The following SENP6 variants were observed in gnomAD, a reference collection of about 807,000 sequenced individuals.
SENP6 encodes SUMO specific peptidase 6.
In SENP6, 41 loss-of-function variants were observed where a neutral mutation model predicts 134.5. The observed-to-expected ratio is 0.30, with a 90% CI of 0.24 to 0.40. The LOEUF (loss-of-function observed/expected upper bound fraction) is 0.40, where lower values mean the gene tolerates loss of function less well. Ranked by LOEUF, SENP6 falls within the 10% of genes least tolerant of loss-of-function variation. SENP6 has a pLI of 1.00. For synonymous variants in SENP6, 395 were observed against 429.8 expected, an observed-to-expected ratio of 0.92 and a Z score of 1.00; for missense variants, 1,248 against 1,312.5, an observed-to-expected ratio of 0.95 and a Z score of 0.76.
chr6:75,693,001 G>A (rs1269875525), intron 16 of SENP6, among the ~76,000 whole-genome samples: 2 of 152,212 alleles, frequency 1.3e-5, no homozygotes, highest in Non-Finnish European at 2.9e-5. Flanking sequence ...AGCCCAGGAG[G>A]CGGAGGCTGC....
At position 75,709,579 on chromosome 6, in the gene SENP6, T is replaced by C. The variant is rs762100696; in HGVS notation, c.2769T>C (p.Gly923=). The C allele has an allele frequency of 1.1e-4, 173 of 1,613,952 alleles. No individual in the cohort carries two copies. Among genetic ancestry groups the C allele is most frequent in the Admixed American group, 4.7e-4 (28 of 59,990 alleles). ...ATAGCGATGAATCACCTGAAGCTGG[T>C]AAAATGCTTGAAGATGAACTCGTCG... is the stretch of plus-strand genomic sequence containing the variant. ...LNYSDESPEA[G]KMLEDELVDF... The change falls in exon 20 of 24, where the codon GGT becomes GGC. Residue 923 remains glycine (G), a synonymous_variant. Transcript: ENST00000447266.
chr6:75,703,204 C>A, intron 19 of SENP6, 132 bp downstream of exon 19: 1 of 766,340 alleles, frequency 1.3e-6, no homozygotes, highest in East Asian at 2.8e-5. Flanking sequence ...GCTTATAATC[C>A]CAGCACTTTG....
chr6:75,710,027 T>C (rs1182620846), intron 20 of SENP6, among the ~76,000 whole-genome samples: 2 of 152,172 alleles, frequency 1.3e-5, no homozygotes, highest in East Asian at 3.8e-4. Context: ...TCACCCTAAC[T>C]CAGCTACCAC....
At chr6:75,612,171 A>AG (rs1767501741) in intron 1 of SENP6, among the ~76,000 whole-genome samples, 2 of 152,110 alleles carry the variant, frequency 1.3e-5, no homozygotes, top group Admixed American at 1.3e-4. Context: ...TGCAGTCTAA[A>AG]GACCTCTTCA....
intron 8 of SENP6, 67 bp downstream of exon 8, chr6:75,659,474 T>A: frequency 7.2e-7 from 1 of 1,389,500 alleles, no homozygotes. Context: ...TTTCAGTACT[T>A]ATTAAATTCT....
At position 75,698,244 on chromosome 6, in the gene SENP6, A is replaced by G. The variant is rs139435651; in HGVS notation, c.2288+727A>G. On this transcript the variant is annotated intron_variant, in intron 18 of 23. Coordinates refer to ENST00000447266, the MANE Select transcript of SENP6 (RefSeq NM_015571.4). Reference sequence around the variant, plus strand: ...ACAGAATCTGGGCTTTCCTTGAGTGATATGGGGGAGGGTCTAAAGTAGTGG... The same window carrying G: ...ACAGAATCTGGGCTTTCCTTGAGTGGTATGGGGGAGGGTCTAAAGTAGTGG... Among the ~76,000 whole-genome samples the G allele has an allele frequency of 9.8e-3, 1,491 of 152,304 alleles. 17 individuals are homozygous for G. Among genetic ancestry groups the G allele is most frequent in the Middle Eastern group, 0.061 (18 of 294 alleles).
rs533761142 is a variant in SENP6, at chr6:75,616,798, T to C, written c.53-4734T>C. Among the ~76,000 whole-genome samples the C allele has an allele frequency of 3.3e-5, 5 of 151,578 alleles. 1 individual carries two copies. The East Asian group carries it at 9.7e-4, about 29-fold the overall frequency. On this transcript the variant is annotated intron_variant, in intron 1 of 23. Transcript: ENST00000447266. ...GTGTAAAGAACCCCAGTTCCTTTAG[T>C]GCATAAATATTACGACGTCTCTTTT...
At position 75,718,276 on chromosome 6, in the gene SENP6, A is replaced by G. The variant is rs553768347; in HGVS notation, c.*2682A>G. ...GGAATAATAAAGAACATATTTTAAT[A>G]TATAATATGACCAAGAGTTTGGTGG... On this transcript the variant is annotated 3_prime_UTR_variant, in exon 24 of 24. Transcript: ENST00000447266. 1 of 152,334 alleles carries G rather than the reference A, an allele frequency of 6.6e-6. No homozygotes were observed. The highest frequency in any genetic ancestry group is 2.1e-4 in the South Asian group (1 of 4,832). The allele number at this position is 152,334 out of a possible 1,614,324, so 9.4% of individuals were successfully genotyped here.
rs954275628 is a variant in SENP6, at chr6:75,608,617, T to C, written c.52+6041T>C. On this transcript the variant is annotated intron_variant, in intron 1 of 23. Coordinates refer to ENST00000447266, the MANE Select transcript of SENP6 (RefSeq NM_015571.4). The stretch of plus-strand genomic sequence containing the variant: ...TGCATTGAGAATATGAACTCAAAAG[T>C]CAGAATGCTGAGGTTCAACATCTGG... Among the ~76,000 whole-genome samples, 9 of 152,208 alleles carry C rather than the reference T, an allele frequency of 5.9e-5. No homozygotes were observed. The East Asian group carries it at 1.5e-3, about 26-fold the overall frequency.
chr6:75,659,911 AT>A (rs368581636), intron 8 of SENP6, among the ~76,000 whole-genome samples: 3 of 152,158 alleles, frequency 2.0e-5, no homozygotes, highest in African/African-American at 7.2e-5. Context: ...GTTTTTTATA[AT>A]CAGAATACAT....
intron 5 of SENP6, 171 bp downstream of exon 5, chr6:75,634,982 T>G: frequency 1.5e-6 from 1 of 676,110 alleles, no homozygotes; most frequent in South Asian, 1.5e-5. Context: ...TTATATCTGC[T>G]TTTGAGTAAT....
chr6:75,634,930 GATAT>G (rs1561988328), intron 5 of SENP6, 119 bp downstream of exon 5: 6 of 701,362 alleles, frequency 8.6e-6, no homozygotes, highest in Non-Finnish European at 1.6e-5. Context: ...TCTGTAGAGA[GATAT>G]ATCTCTGAAA....
intron 6 of SENP6, chr6:75,646,456 T>A (rs1394282224): frequency 2.0e-5 from 3 of 152,192 alleles, no homozygotes; most frequent in African/African-American, 7.2e-5. Context: ...ATTAATATGT[T>A]ATATAAGTTT....
At position 75,629,060 on chromosome 6, in the gene SENP6, A is replaced by G. The variant is rs181973828; in HGVS notation, c.208-4521A>G. 3.8e-3 allele frequency among the ~76,000 whole-genome samples: 580 copies of G among 152,324 alleles called. 2 individuals are homozygous for G. The highest frequency in any genetic ancestry group is 0.013 in the African/African-American group (561 of 41,566). On this transcript the variant is annotated intron_variant, in intron 3 of 23. Coordinates refer to ENST00000447266, the MANE Select transcript of SENP6 (RefSeq NM_015571.4). ...CCTTTTGAGTTAAATGCCAAAAATG[A>G]CATAGTAATCAAACATTTAAAAATT...
At chr6:75,644,983 G>T (rs1028851140) in intron 6 of SENP6, among the ~76,000 whole-genome samples, 1 of 152,176 alleles carries the variant, frequency 6.6e-6, no homozygotes. Flanking sequence ...TCACCACTGA[G>T]GCTTATCGAA....
At position 75,717,924 on chromosome 6, in the gene SENP6, G is replaced by T. The variant is rs190936309; in HGVS notation, c.*2330G>T. ...TTGTTGGTTTAGGAGCAGAAGTGGTGTTTAGTCCCTTCCCGTTAATGTTGC... is the reference window on the plus strand; with the variant it reads ...TTGTTGGTTTAGGAGCAGAAGTGGTTTTTAGTCCCTTCCCGTTAATGTTGC... On this transcript the variant is annotated 3_prime_UTR_variant, in exon 24 of 24. Transcript: ENST00000447266. 1 of 152,172 alleles carries T rather than the reference G, an allele frequency of 6.6e-6. No homozygotes were observed. Among genetic ancestry groups the T allele is most frequent in the African/African-American group, 2.4e-5 (1 of 41,436 alleles). The allele number at this position is 152,172 out of a possible 1,614,324, so 9.4% of individuals were successfully genotyped here.
intron 11 of SENP6, among the ~76,000 whole-genome samples, chr6:75,671,093 A>G (rs941044449): frequency 5.3e-5 from 8 of 152,220 alleles, no homozygotes; most frequent in Non-Finnish European, 1.0e-4. Context: ...AATGTATTAT[A>G]GCATCAAGAC....
intron 16 of SENP6, among the ~76,000 whole-genome samples, chr6:75,691,004 TA>T (rs1273665894): frequency 6.8e-6 from 1 of 147,762 alleles, no homozygotes; most frequent in African/African-American, 2.6e-5. Context: ...GTGCTCAGCC[TA>T]ATTTTTTTTT....
rs368652337 is a variant in SENP6, at chr6:75,675,808, A to G, written c.1427-52A>G. 4.4e-5 allele frequency: 64 copies of G among 1,463,708 alleles called. No homozygotes were observed. In the African/African-American group the frequency reaches 7.8e-4, roughly 18 times the overall value. 90.7% of individuals were successfully genotyped at this position (1,463,708 alleles called of 1,614,324 possible). ...TATTTCCTCACAATTTCCCCCATTC[A>G]TGATATTACCCTCTTAAGAATTATT... On this transcript the variant is annotated intron_variant, in intron 12 of 23. Transcript: ENST00000447266.
Sources: allele counts gnomAD v4.1 joint callset (sites outside exome capture counted in the v4.1 genomes callset), GRCh38; gene constraint gnomAD v4.1.1; transcripts MANE v1.5; gene names NCBI Gene and HGNC (gene_info 2026-07-23, HGNC 2026-07-21).